The following TJAP1 variants were observed in gnomAD, a reference collection of about 807,000 sequenced individuals.
TJAP1 encodes the protein tight junction-associated protein 1.
Under a neutral mutation model 42.0 loss-of-function variants are expected in TJAP1, and 27 were observed. The ratio of observed to expected loss-of-function variants is 0.64; its 90% CI spans 0.47 to 0.89. The LOEUF is 0.89. Ranked by LOEUF, TJAP1 falls within the 40% of genes least tolerant of loss-of-function variation. TJAP1 has a pLI of 0.00. For missense variants in TJAP1, 712 were observed against 726.9 expected (o/e 0.98, Z 0.24); for synonymous variants, 257 against 288.4 (o/e 0.89, Z 1.10).
intron 6 of TJAP1, among the ~76,000 whole-genome samples, chr6:43,502,047 GAC>G (rs563635573): frequency 0.031 from 684 of 22,238 alleles, 19 homozygotes; most frequent in Admixed American, 0.043. Context: ...GGAATGCGGG[GAC>G]ACACACACAC....
Position 43,502,486 on chromosome 6 carries a change from G to A in TJAP1, c.358-102G>A, listed in dbSNP as rs1014109342. 2.0e-6 allele frequency: 3 copies of A among 1,501,608 alleles called. No individual in the cohort carries two copies. In the African/African-American group the frequency reaches 4.2e-5, roughly 21 times the overall value. 93.0% of individuals were successfully genotyped at this position (1,501,608 alleles called of 1,614,324 possible). On this transcript the variant is annotated intron_variant, in intron 7 of 10. Coordinates refer to ENST00000372449, the Ensembl canonical transcript of TJAP1. ...ATGGGGCAGTGGTGGGGGTACTGCA[G>A]TGTGCTCTGCAAGTCAAGACTGTCT...
In TJAP1 at chr6:43,505,955, C is replaced by T. The variant is rs1234360646; in HGVS notation, c.*100C>T. 1.6e-6 allele frequency: 2 copies of T among 1,269,016 alleles called. No individual in the cohort carries two copies. The highest frequency in any genetic ancestry group is 2.1e-6 in the Non-Finnish European group (2 of 973,568). The allele number at this position is 1,269,016 out of a possible 1,614,324, so 78.6% of individuals were successfully genotyped here. On this transcript the variant is annotated 3_prime_UTR_variant, in exon 11 of 11. Transcript: ENST00000372449. The surrounding 1 kb of genome is among the most constrained non-coding windows in gnomAD (Gnocchi z 5.5). ...CCAGTCCAAGCCCTTGACCTCTCCT[C>T]TATCCAGACCCGCACAGCTGTTTCC...
rs200812523 is a variant in TJAP1, at chr6:43,503,605, A to G, written c.496-18A>G. On this transcript the variant is annotated intron_variant, in intron 9 of 10. Coordinates refer to ENST00000372449, the Ensembl canonical transcript of TJAP1. ...GGAGAGGGCTGGGCTGGGCTCTGAAACAGGTCTGTGTCTGTAGGAGCGGTA... is the reference window on the plus strand; with the variant it reads ...GGAGAGGGCTGGGCTGGGCTCTGAAGCAGGTCTGTGTCTGTAGGAGCGGTA... The G allele has an allele frequency of 1.3e-4, 206 of 1,613,538 alleles. No individual in the cohort carries two copies. In the African/African-American group the frequency reaches 1.4e-3, roughly 11 times the overall value.
At chr6:43,500,869 G>A in intron 5 of TJAP1, 97 bp downstream of exon 5, 1 of 1,462,960 alleles carries the variant, frequency 6.8e-7, no homozygotes, top group Non-Finnish European at 9.6e-7. Context: ...CCTTGGATTA[G>A]GTAGAAATAA....
chr6:43,485,994 CAG>C (rs1210336598), intron 2 of TJAP1, among the ~76,000 whole-genome samples: 3 of 148,778 alleles, frequency 2.0e-5, no homozygotes, highest in Non-Finnish European at 3.0e-5. Flanking sequence ...TTTTTTGAGA[CAG>C]AGTCTTGCTC....
In TJAP1 at chr6:43,495,300, C is replaced by T. The variant is rs940295979; in HGVS notation, c.-121-2581C>T. 6.6e-6 allele frequency among the ~76,000 whole-genome samples: 1 copy of T among 152,230 alleles called. No individual in the cohort carries two copies. The highest frequency in any genetic ancestry group is 1.5e-5 in the Non-Finnish European group (1 of 68,044). On this transcript the variant is annotated intron_variant, in intron 2 of 10. Transcript: ENST00000372449. This position sits in a 1 kb window ranked among gnomAD's most constrained non-coding sequence, Gnocchi z 4.6. ...CTCCTTGGGTCTGTCCGGACTTTCC[C>T]TGCACACCTTCCTTGCCTCCAGTCA...
intron 2 of TJAP1, among the ~76,000 whole-genome samples, chr6:43,480,333 A>G (rs1346789842): frequency 3.9e-5 from 6 of 152,210 alleles, no homozygotes; most frequent in African/African-American, 1.4e-4. Flanking sequence ...TTGTCGTGAG[A>G]ATATCCTCAT....
chr6:43,500,114 C>A (rs573115435), intron 4 of TJAP1, among the ~76,000 whole-genome samples: 1 of 152,148 alleles, frequency 6.6e-6, no homozygotes, highest in Non-Finnish European at 1.5e-5. Flanking sequence ...TTCCCTCTCG[C>A]GATAGCAGGG....
intron 4 of TJAP1, chr6:43,500,504 T>G: frequency 3.9e-6 from 2 of 517,524 alleles, no homozygotes; most frequent in African/African-American, 1.9e-5. Context: ...GGCTTTAGGA[T>G]TGGATTAAGG....
Position 43,501,521 on chromosome 6 carries a change from G to T in TJAP1, c.129-5G>T, listed in dbSNP as rs767492351. ...TCTGCCCTTGATCCCACAACACCCT[G>T]CCAGGCTCTTACAGGAGGAGAATGA... On this transcript the variant is annotated splice_region_variant and splice_polypyrimidine_tract_variant and intron_variant, in intron 5 of 10. Transcript: ENST00000372449. 31 of 1,612,014 alleles carry T rather than the reference G, an allele frequency of 1.9e-5. No individual in the cohort carries two copies. The highest frequency in any genetic ancestry group is 4.5e-5 in the East Asian group (2 of 44,870).
At position 43,502,739 on chromosome 6, in the gene TJAP1, T is replaced by C. The variant is rs1791245012; in HGVS notation, c.387+122T>C. On this transcript the variant is annotated intron_variant, in intron 8 of 10. Transcript: ENST00000372449. ...AGTACACCCGCTCCTTTCTCTTCCCTGTATGAGGCCCGTTTAACTGTCAAT... is the reference window on the plus strand; with the variant it reads ...AGTACACCCGCTCCTTTCTCTTCCCCGTATGAGGCCCGTTTAACTGTCAAT... 2.7e-6 allele frequency: 3 copies of C among 1,119,848 alleles called. No homozygotes were observed. In the East Asian group the frequency reaches 7.7e-5, roughly 29 times the overall value. 69.4% of individuals were successfully genotyped at this position (1,119,848 alleles called of 1,614,324 possible). A position where few individuals can be genotyped will look rare whatever the true frequency, so the allele number is the denominator to read the frequency against.
At chr6:43,493,015 G>T (rs1562256447) in intron 2 of TJAP1, among the ~76,000 whole-genome samples, 1 of 152,156 alleles carries the variant, frequency 6.6e-6, no homozygotes, top group Non-Finnish European at 1.5e-5. Flanking sequence ...TTTAGGAAGG[G>T]CTTGTATTTA....
chr6:43,499,129 C>T (rs755832312), intron 4 of TJAP1, 29 bp downstream of exon 4: 32 of 1,611,272 alleles, frequency 2.0e-5, no homozygotes, highest in South Asian at 1.9e-4. Context: ...ACAGCCTGAC[C>T]GGCAGAGGCA....
intron 5 of TJAP1, 121 bp downstream of exon 5, chr6:43,500,893 T>TTG (rs1790374725): frequency 8.4e-7 from 1 of 1,187,696 alleles, no homozygotes. Flanking sequence ...TTGGGATGGG[T>TTG]TGTTTTAGGG....
chr6:43,503,865 T>G (rs1791574634), intron 10 of TJAP1, 159 bp downstream of exon 10: 1 of 738,846 alleles, frequency 1.4e-6, no homozygotes, highest in South Asian at 1.5e-5. Flanking sequence ...CTGCCACTGG[T>G]TGGTGTCCCG....
intron 10 of TJAP1, chr6:43,504,062 C>A: frequency 2.3e-6 from 1 of 434,934 alleles, no homozygotes. Context: ...GACCCCACAG[C>A]TTCAGGCCCA....
At chr6:43,499,278 G>C in intron 4 of TJAP1, 178 bp downstream of exon 4, 1 of 870,360 alleles carries the variant, frequency 1.1e-6, no homozygotes, top group East Asian at 2.7e-5. Context: ...GTAGGCTCAA[G>C]GGGGACTGTC....
chr6:43,479,178 G>C (rs920498140), intron 2 of TJAP1, among the ~76,000 whole-genome samples: 2 of 152,202 alleles, frequency 1.3e-5, no homozygotes, highest in Non-Finnish European at 2.9e-5. Flanking sequence ...AGAGTTGGGA[G>C]TAGCCTTCTT....
At chr6:43,483,482 C>T (rs987192772) in intron 2 of TJAP1, among the ~76,000 whole-genome samples, 1 of 152,222 alleles carries the variant, frequency 6.6e-6, no homozygotes, top group Non-Finnish European at 1.5e-5. Context: ...CTCTTGGTCC[C>T]CTGCAGCACT....
Sources: gnomAD v4.1 joint callset for allele counts (sites outside exome capture counted in the v4.1 genomes callset) on GRCh38, gnomAD v4.1.1 for gene constraint, Gnocchi (gnomAD v3.1) non-coding constraint, MANE v1.5 for transcripts, NCBI Gene and HGNC (gene_info 2026-07-23, HGNC 2026-07-21) for gene names.